PSD3: variants seen among roughly 807,000 people sequenced by gnomAD.
PSD3 encodes the protein pleckstrin and Sec7 domain containing 3.
In PSD3, 49 loss-of-function variants were observed where a neutral mutation model predicts 105.5. The ratio of observed to expected loss-of-function variants is 0.46; its 90% CI spans 0.37 to 0.59. The LOEUF is 0.59. Among genes scored for constraint, PSD3 ranks in the 20% least tolerant of loss-of-function variants. The pLI, the probability that PSD3 is intolerant of heterozygous loss-of-function variation, is 0.00. For missense variants in PSD3, 1,561 were observed against 1,263.8 expected (o/e 1.24, Z -3.57); for synonymous variants, 557 against 457.8 (o/e 1.22, Z -2.77).
rs115208769 is a variant in PSD3, at chr8:18,690,163, C to G, written c.2173-34478G>C. On this transcript the variant is annotated intron_variant, in intron 9 of 15. Coordinates refer to ENST00000327040, the MANE Select transcript of PSD3 (RefSeq NM_015310.4). ...AGAGGCCAGCTACTCATAAGAACTACGAAAAGGAGACATGAAAGGACAAAA... is the reference window on the plus strand; with the variant it reads ...AGAGGCCAGCTACTCATAAGAACTAGGAAAAGGAGACATGAAAGGACAAAA... Among the ~76,000 whole-genome samples, 424 of 152,180 alleles carry G rather than the reference C, an allele frequency of 2.8e-3. 2 individuals carry two copies. Among genetic ancestry groups the G allele is most frequent in the African/African-American group, 9.4e-3 (391 of 41,516 alleles).
At chr8:18,600,548 A>G (rs1028252328) in intron 11 of PSD3, 114 bp from the exon 12 acceptor site, 8 of 884,706 alleles carry the variant, frequency 9.0e-6, no homozygotes, top group South Asian at 1.7e-5. Context: ...ACCGAAAGTA[A>G]TAACAATAAG....
chr8:18,776,245 G>A (rs1808059704), intron 8 of PSD3, among the ~76,000 whole-genome samples: 1 of 142,378 alleles, frequency 7.0e-6, no homozygotes, highest in Admixed American at 7.1e-5. Context: ...GGTTACCATG[G>A]CTCTCTCTCT....
chr8:18,802,171 G>A (rs982515444), intron 6 of PSD3: 1 of 207,440 alleles, frequency 4.8e-6, no homozygotes, highest in African/African-American at 2.3e-5. Context: ...TATAGGAGGA[G>A]GAAATTGGGA....
At chr8:18,810,249 G>C (rs1051588430) in intron 4 of PSD3, among the ~76,000 whole-genome samples, 2 of 152,146 alleles carry the variant, frequency 1.3e-5, no homozygotes, top group African/African-American at 4.8e-5. Context: ...ACAAGGGGCG[G>C]CTGAAGGTAC....
At chr8:18,718,185 C>T (rs1802723312) in intron 9 of PSD3, among the ~76,000 whole-genome samples, 1 of 152,232 alleles carries the variant, frequency 6.6e-6, no homozygotes, top group Non-Finnish European at 1.5e-5. Context: ...AAACAACACC[C>T]TCAACAAGGT....
intron 1 of PSD3, among the ~76,000 whole-genome samples, chr8:19,028,299 C>CCCCCTTT (rs1563517980): frequency 1.0e-5 from 1 of 96,182 alleles, no homozygotes; most frequent in African/African-American, 4.2e-5. Context: ...CCGGCCCACC[C>CCCCCTTT]TTTTTTTTTT....
intron 1 of PSD3, among the ~76,000 whole-genome samples, chr8:19,038,721 G>A (rs769809776): frequency 3.9e-5 from 6 of 152,052 alleles, no homozygotes; most frequent in Admixed American, 3.3e-4. Context: ...TTTGACCTCC[G>A]AAGGTGCTGT....
chr8:18,978,366 C>T (rs1216841186), intron 1 of PSD3, among the ~76,000 whole-genome samples: 1 of 152,178 alleles, frequency 6.6e-6, no homozygotes, highest in Admixed American at 6.5e-5. Flanking sequence ...TTACTATGTC[C>T]AGCTCTGAGT....
At chr8:18,811,341 G>A (rs890461918) in intron 4 of PSD3, among the ~76,000 whole-genome samples, 1 of 152,150 alleles carries the variant, frequency 6.6e-6, no homozygotes, top group South Asian at 2.1e-4. Flanking sequence ...TGGTATGTCT[G>A]TCTTCAATGA....
chr8:19,006,371 C>T lies in PSD3; in HGVS notation c.21+7192G>A, dbSNP rs190503074. On this transcript the variant is annotated intron_variant, in intron 1 of 15. Transcript: ENST00000327040. ...ACACACTCACACATACTATGTTTCA[C>T]ATAGTACCTAGCCCATAATAAATAC... 7.5e-3 allele frequency among the ~76,000 whole-genome samples: 1,137 copies of T among 151,158 alleles called. 11 individuals carry two copies. Among genetic ancestry groups the T allele is most frequent in the Non-Finnish European group, 0.01 (701 of 67,792 alleles).
chr8:18,560,010 G>T (rs1801300616), intron 14 of PSD3, among the ~76,000 whole-genome samples: 1 of 152,102 alleles, frequency 6.6e-6, no homozygotes, highest in Admixed American at 6.6e-5. Context: ...TCATAAGGCA[G>T]GAGTCAATAA....
chr8:18,784,173 T>C (rs1403120176), intron 8 of PSD3, among the ~76,000 whole-genome samples: 1 of 152,212 alleles, frequency 6.6e-6, no homozygotes, highest in African/African-American at 2.4e-5. Flanking sequence ...ATCTGTTAGA[T>C]CTAGTTGGTT....
intron 1 of PSD3, among the ~76,000 whole-genome samples, chr8:18,955,014 G>A (rs950146119): frequency 2.0e-5 from 3 of 152,178 alleles, no homozygotes; most frequent in East Asian, 3.8e-4. Flanking sequence ...AGTACACAAT[G>A]TGCTAGTCAG....
At chr8:18,884,179 A>C (rs1201916265) in intron 2 of PSD3, among the ~76,000 whole-genome samples, 2 of 151,684 alleles carry the variant, frequency 1.3e-5, no homozygotes, top group African/African-American at 2.4e-5. Flanking sequence ...TACAAAACAA[A>C]TATAAAGAGC....
intron 9 of PSD3, among the ~76,000 whole-genome samples, chr8:18,752,496 T>TATATA (rs1805584701): frequency 6.1e-5 from 1 of 16,318 alleles, no homozygotes; most frequent in South Asian, 2.0e-3. Context: ...ATATATAATA[T>TATATA]ATATAATATA....
intron 1 of PSD3, among the ~76,000 whole-genome samples, chr8:18,984,949 G>A (rs60425838): frequency 0.27 from 41,350 of 151,948 alleles, 6,674 homozygotes; most frequent in Middle Eastern, 0.51. Context: ...TTTTGGCGGT[G>A]GGGGGACAGA....
intron 1 of PSD3, among the ~76,000 whole-genome samples, chr8:19,077,492 G>A (rs1829496753): frequency 6.6e-6 from 1 of 152,092 alleles, no homozygotes; most frequent in Admixed American, 6.6e-5. Flanking sequence ...AAAAAAAAAT[G>A]CAGCCCTGCC....
intron 15 of PSD3, among the ~76,000 whole-genome samples, chr8:18,542,022 G>A (rs1800179258): frequency 6.6e-6 from 1 of 152,046 alleles, no homozygotes; most frequent in African/African-American, 2.4e-5. Flanking sequence ...CAAAGTGCTG[G>A]GATTACAGGG....
chr8:18,792,172 C>T (rs1226432464), intron 8 of PSD3, among the ~76,000 whole-genome samples: 1 of 152,116 alleles, frequency 6.6e-6, no homozygotes, highest in Non-Finnish European at 1.5e-5. Flanking sequence ...CCTCAAAGAC[C>T]TAGAACCAGA....
Sources: allele counts gnomAD v4.1 joint callset (sites outside exome capture counted in the v4.1 genomes callset), GRCh38; gene constraint gnomAD v4.1.1; transcripts MANE v1.5; gene names NCBI Gene and HGNC (gene_info 2026-07-23, HGNC 2026-07-21).